The following LPP variants were observed in gnomAD, a reference collection of about 807,000 sequenced individuals.
LPP encodes the protein LIM domain containing preferred translocation partner in lipoma, also known as lipoma-preferred partner.
A neutral mutation model predicts 60.4 loss-of-function variants in LPP; 38 were observed. The observed-to-expected ratio is 0.63, with a 90% confidence interval of 0.49 to 0.83. The LOEUF is 0.83. LPP is among the 40% of genes least tolerant of loss of function. The probability of loss-of-function intolerance (pLI) is 0.00; values close to 1 mark genes in which losing one functional copy is unlikely to be tolerated. For synonymous variants in LPP, 328 were observed against 290.8 expected (o/e 1.13, Z -1.30); for missense variants, 902 against 783.6 (o/e 1.15, Z -1.80).
intron 6 of LPP, among the ~76,000 whole-genome samples, chr3:188,587,623 C>T (rs1395653157): frequency 6.6e-6 from 1 of 152,106 alleles, no homozygotes; most frequent in African/African-American, 2.4e-5. Flanking sequence ...AGGCACTGTA[C>T]TTTGAAACAG....
chr3:188,377,604 C>T (rs564549680), intron 3 of LPP, among the ~76,000 whole-genome samples: 54 of 152,270 alleles, frequency 3.5e-4, no homozygotes, highest in Non-Finnish European at 5.4e-4. Flanking sequence ...GTTATCCATT[C>T]GTCTAATTTT....
chr3:188,751,895 G>A lies in LPP; in HGVS notation c.1241-8218G>A, dbSNP rs138155479. Among the ~76,000 whole-genome samples, 16 of 152,178 alleles carry A rather than the reference G, an allele frequency of 1.1e-4. No individual in the cohort carries two copies. The East Asian group carries it at 3.1e-3, about 29-fold the overall frequency. ...CAAATTTTTGTAGGATTAGGATTAG[G>A]ATTGAAATTTCTACCGAAAAATTCC... On this transcript the variant is annotated intron_variant, in intron 8 of 11. Coordinates refer to ENST00000617246, the MANE Select transcript of LPP (RefSeq NM_001375462.1).
intron 9 of LPP, among the ~76,000 whole-genome samples, 169 bp downstream of exon 9, chr3:188,760,451 A>T (rs1023267913): frequency 2.7e-5 from 2 of 73,710 alleles, no homozygotes; most frequent in African/African-American, 1.2e-4. Context: ...CGCGCATGTA[A>T]ATTAGCATAT....
At chr3:188,732,485 C>A (rs961095891) in intron 8 of LPP, among the ~76,000 whole-genome samples, 35 of 152,116 alleles carry the variant, frequency 2.3e-4, no homozygotes, top group Non-Finnish European at 2.9e-4. Flanking sequence ...TGGCCGGGCG[C>A]AGTGGCTCAC....
chr3:188,501,417 A>G (rs777225136), intron 5 of LPP, among the ~76,000 whole-genome samples: 5 of 152,172 alleles, frequency 3.3e-5, no homozygotes, highest in Non-Finnish European at 7.3e-5. Flanking sequence ...GTTTAAGACT[A>G]GCCTGGCCAA....
chr3:188,295,205 A>G (rs564446403), intron 2 of LPP, among the ~76,000 whole-genome samples: 2 of 152,372 alleles, frequency 1.3e-5, no homozygotes, highest in South Asian at 4.1e-4. Flanking sequence ...TTAAACTTTA[A>G]TGAACAAGTG....
intron 3 of LPP, among the ~76,000 whole-genome samples, chr3:188,346,251 CTT>C (rs1050679907): frequency 4.1e-4 from 36 of 88,318 alleles, no homozygotes; most frequent in African/African-American, 1.7e-3. Flanking sequence ...AGTAGCAAAT[CTT>C]TTTTTTTTTT....
At chr3:188,867,622 G>A (rs1380871574) in intron 10 of LPP, among the ~76,000 whole-genome samples, 2 of 152,218 alleles carry the variant, frequency 1.3e-5, no homozygotes, top group South Asian at 4.2e-4. Flanking sequence ...GGTATTACAG[G>A]CATGAACCAC....
intron 8 of LPP, among the ~76,000 whole-genome samples, chr3:188,747,397 G>A (rs1328758293): frequency 6.6e-6 from 1 of 152,182 alleles, no homozygotes; most frequent in Non-Finnish European, 1.5e-5. Flanking sequence ...TAGTCTGGAG[G>A]TAGCAAAGAA....
At chr3:188,726,687 C>T (rs1050279535) in intron 8 of LPP, among the ~76,000 whole-genome samples, 3 of 152,128 alleles carry the variant, frequency 2.0e-5, no homozygotes, top group African/African-American at 7.2e-5. Flanking sequence ...TGGGTGAAAT[C>T]TGGTCTGCCT....
At chr3:188,472,818 T>C (rs1802191175) in intron 4 of LPP, 1 of 152,210 alleles carries the variant, frequency 6.6e-6, no homozygotes, top group African/African-American at 2.4e-5. Flanking sequence ...TGCTCGTCTA[T>C]TCCAAGTCTC....
At chr3:188,272,087 CAG>C (rs1737946495) in intron 2 of LPP, among the ~76,000 whole-genome samples, 1 of 152,010 alleles carries the variant, frequency 6.6e-6, no homozygotes, top group South Asian at 2.1e-4. Flanking sequence ...GGGATGGCTC[CAG>C]AGAGAGTGGA....
rs148908963 is a variant in LPP at position 188,611,236 on chromosome 3, TC to T, written c.1113+1394del. 3.5e-3 allele frequency among the ~76,000 whole-genome samples: 526 copies of T among 152,254 alleles called. 1 individual carries two copies. Among genetic ancestry groups the T allele is most frequent in the African/African-American group, 0.012 (502 of 41,552 alleles). On this transcript the variant is annotated intron_variant, in intron 7 of 11. Coordinates refer to ENST00000617246, the MANE Select transcript of LPP (RefSeq NM_001375462.1). ...TGAAATTGGCCAGCCATGATCCCTT[TC>T]CGATAGATAGATTCCAAATTAGAAT...
chr3:188,514,994 T>A (rs1466454102), intron 5 of LPP, among the ~76,000 whole-genome samples: 2 of 151,882 alleles, frequency 1.3e-5, no homozygotes, highest in Admixed American at 6.6e-5. Flanking sequence ...ACTGGGTGAG[T>A]GTGTTAGGGC....
chr3:188,162,871 C>G (rs1718724911), intron 1 of LPP, among the ~76,000 whole-genome samples: 1 of 152,190 alleles, frequency 6.6e-6, no homozygotes. Flanking sequence ...ACTCCTAGTT[C>G]AAGTCCTCGT....
At chr3:188,433,204 T>G (rs1257883508) in intron 4 of LPP, among the ~76,000 whole-genome samples, 1 of 152,090 alleles carries the variant, frequency 6.6e-6, no homozygotes, top group Non-Finnish European at 1.5e-5. Context: ...TCAACTGGAG[T>G]ATTGAACGTT....
Position 188,484,656 on chromosome 3 carries a change from A to C in LPP, c.258A>C (p.Gly86=), listed in dbSNP as rs767168013. ...DDSSALPSIS[G]NFPPPPPLDE... ...CCAGTGCCCTTCCATCTATCTCTGG[A>C]AACTTTCCTCCTCCACCACCTCTTG... Residue 86 remains glycine (G), a synonymous_variant, in exon 5 of 12, where the codon GGA becomes GGC. Transcript: ENST00000617246. 1.4e-5 allele frequency: 22 copies of C among 1,613,920 alleles called. No individual in the cohort carries two copies. The Admixed American group carries it at 1.5e-4, about 11-fold the overall frequency.
chr3:188,864,471 T>G (rs560974330), intron 9 of LPP, among the ~76,000 whole-genome samples: 42 of 152,302 alleles, frequency 2.8e-4, no homozygotes, highest in African/African-American at 7.0e-4. Flanking sequence ...TAAAGTCTGG[T>G]AGAGGAAATA....
Position 188,581,668 on chromosome 3 carries a change from C to G in LPP, c.430-27493C>G, listed in dbSNP as rs77790010. Among the ~76,000 whole-genome samples, 235 of 152,178 alleles carry G rather than the reference C, an allele frequency of 1.5e-3. 2 individuals are homozygous for G. Among genetic ancestry groups the G allele is most frequent in the African/African-American group, 5.3e-3 (221 of 41,516 alleles). On this transcript the variant is annotated intron_variant, in intron 6 of 11. Coordinates refer to ENST00000617246, the MANE Select transcript of LPP (RefSeq NM_001375462.1). ...ATCTGTAACTCTCATCTCCATTCAG[C>G]TGCAGCCTCTACAGCCCCTGGTTAT...
Sources: allele counts gnomAD v4.1 joint callset (sites outside exome capture counted in the v4.1 genomes callset), GRCh38; gene constraint gnomAD v4.1.1; transcripts MANE v1.5; gene names NCBI Gene and HGNC (gene_info 2026-07-23, HGNC 2026-07-21).